Variants in KIAA1549 observed in about 807,000 individuals in gnomAD.
KIAA1549 encodes KIAA1549.
A neutral mutation model predicts 156.4 loss-of-function variants in KIAA1549; 70 were observed. That is an observed-to-expected ratio of 0.45 (90% CI 0.37 to 0.55). The LOEUF (loss-of-function observed/expected upper bound fraction) is 0.55. Ranked by LOEUF, KIAA1549 falls within the 20% of genes least tolerant of loss-of-function variation. The pLI is 0.00. For synonymous variants in KIAA1549, 1,103 were observed against 1,066.4 expected (o/e 1.03, Z -0.67); for missense variants, 2,428 against 2,540.9 (o/e 0.96, Z 0.96).
At position 138,883,089 on chromosome 7, in the gene KIAA1549, T is replaced by TAAAAAAAA. The variant is rs1201752539; in HGVS notation, c.4033-1513_4033-1506dup. Among the ~76,000 whole-genome samples, 127 of 47,072 alleles carry TAAAAAAAA rather than the reference T, an allele frequency of 2.7e-3. 53 individuals carry two copies. The highest frequency in any genetic ancestry group is 9.9e-3 in the African/African-American group (114 of 11,556). 30.9% of individuals were successfully genotyped at this position (47,072 alleles called of 152,430 possible). A position where few individuals can be genotyped will look rare whatever the true frequency, so the allele number is the denominator to read the frequency against. ...CAACATGGTGAAACCCCATCTCCCC[T>TAAAAAAAA]AAAAAAAAAAAAAAAAAAAAAAAAA... is the stretch of plus-strand genomic sequence containing the variant. On this transcript the variant is annotated intron_variant, in intron 10 of 19. Coordinates refer to ENST00000422774, the MANE Select transcript of KIAA1549 (RefSeq NM_001164665.2).
At chr7:138,920,847 T>C (rs528452932) in intron 1 of KIAA1549, among the ~76,000 whole-genome samples, 3 of 152,250 alleles carry the variant, frequency 2.0e-5, no homozygotes, top group Non-Finnish European at 4.4e-5. Context: ...AGTAAGTCAT[T>C]TCTATTCTGT....
intron 5 of KIAA1549, 131 bp downstream of exon 5, chr7:138,908,860 T>C (rs561265310): frequency 4.6e-6 from 5 of 1,080,948 alleles, no homozygotes; most frequent in Non-Finnish European, 6.6e-6. Context: ...CAGGAATAGA[T>C]CAATCCCGAC....
At chr7:138,889,316 G>A (rs78861428) in intron 10 of KIAA1549, among the ~76,000 whole-genome samples, 2,668 of 152,136 alleles carry the variant, frequency 0.018, 89 homozygotes, top group African/African-American at 0.062. Flanking sequence ...CTTCCCTCAC[G>A]TACACTCAGG....
intron 1 of KIAA1549, among the ~76,000 whole-genome samples, chr7:138,966,280 G>A (rs758264155): frequency 7.9e-5 from 12 of 151,234 alleles, no homozygotes; most frequent in Middle Eastern, 3.4e-3. Context: ...AAATTTGCAC[G>A]CACACACACA....
chr7:138,858,415 C>A (rs918063312), intron 16 of KIAA1549, among the ~76,000 whole-genome samples: 8 of 152,142 alleles, frequency 5.3e-5, no homozygotes, highest in Admixed American at 5.2e-4. Flanking sequence ...ATTCTATCAT[C>A]TGTATCATTT....
At chr7:138,949,941 G>A (rs754524238) in intron 1 of KIAA1549, among the ~76,000 whole-genome samples, 15 of 152,178 alleles carry the variant, frequency 9.9e-5, no homozygotes, top group South Asian at 2.1e-4. Context: ...CTTCCTAGTC[G>A]GTGCCAAATT....
At chr7:138,923,798 G>T (rs1281139501) in intron 1 of KIAA1549, among the ~76,000 whole-genome samples, 1 of 152,060 alleles carries the variant, frequency 6.6e-6, no homozygotes, top group African/African-American at 2.4e-5. Flanking sequence ...CAAGAGTTAA[G>T]ACAAAATTCT....
intron 1 of KIAA1549, among the ~76,000 whole-genome samples, chr7:138,962,621 A>C (rs1157378628): frequency 6.6e-6 from 1 of 152,142 alleles, no homozygotes; most frequent in Non-Finnish European, 1.5e-5. Flanking sequence ...TGAAGGTAGG[A>C]GGGGGTGAAA....
At chr7:138,906,793 G>A (rs1490447210) in intron 6 of KIAA1549, 126 bp downstream of exon 6, 7 of 682,238 alleles carry the variant, frequency 1.0e-5, no homozygotes, top group African/African-American at 7.3e-5. Flanking sequence ...GTACCCCAAC[G>A]CCTTATGGAA....
intron 1 of KIAA1549, among the ~76,000 whole-genome samples, chr7:138,974,305 G>A (rs549574635): frequency 6.6e-6 from 1 of 152,010 alleles, no homozygotes; most frequent in African/African-American, 2.4e-5. Flanking sequence ...CGGTGAGGTG[G>A]AGGGTGGCGG....
At chr7:138,845,259 G>A (rs1810042126) in intron 17 of KIAA1549, among the ~76,000 whole-genome samples, 1 of 151,964 alleles carries the variant, frequency 6.6e-6, no homozygotes, top group South Asian at 2.1e-4. Flanking sequence ...TCAAAAAAAA[G>A]TAGTGAGAAG....
chr7:138,901,577 G>A (rs1017809658), intron 8 of KIAA1549, among the ~76,000 whole-genome samples: 5 of 151,996 alleles, frequency 3.3e-5, no homozygotes, highest in Non-Finnish European at 4.4e-5. Context: ...CCACCTGCTC[G>A]GCCTCCCAAA....
rs1812331206 is a variant in KIAA1549 at position 138,916,751 on chromosome 7, T to C, written c.2875A>G (p.Thr959Ala). 3.2e-5 allele frequency: 51 copies of C among 1,613,726 alleles called. No homozygotes were observed. Among genetic ancestry groups the C allele is most frequent in the Non-Finnish European group, 4.2e-5 (49 of 1,179,764 alleles). ...GCGGCAGGAAGCTGGGCCTTACCAGTTGTGATCAGATAGGCATCGGGGACT... is the reference window on the plus strand; with the variant it reads ...GCGGCAGGAAGCTGGGCCTTACCAGCTGTGATCAGATAGGCATCGGGGACT... ...ITVPDAYLIT[T>A]VLARRAVQEY... Residue 959 changes from threonine (T) to alanine (A), a missense_variant, in exon 2 of 20, where the codon ACT becomes GCT. By Grantham distance (58) the Thr-to-Ala change is moderately conservative. This residue lies in a region of KIAA1549 where 762 missense variants were observed against 901.6 expected (regional missense o/e 0.85). Coordinates refer to ENST00000422774, the MANE Select transcript of KIAA1549 (RefSeq NM_001164665.2).
chr7:138,861,511 A>G (rs760379919), intron 15 of KIAA1549, 55 bp from the exon 16 acceptor site: 7 of 1,423,516 alleles, frequency 4.9e-6, no homozygotes, highest in East Asian at 2.4e-5. Context: ...TGGCAACCCT[A>G]AACAGTTTTC....
chr7:138,859,008 AACACACACAC>A (rs57352970), intron 16 of KIAA1549, among the ~76,000 whole-genome samples: 4,038 of 142,244 alleles, frequency 0.028, 99 homozygotes, highest in African/African-American at 0.064. Context: ...TCCATCTCAA[AACACACACAC>A]ACACACACAC....
At chr7:138,904,964 C>A (rs1037707548) in intron 7 of KIAA1549, 58 bp downstream of exon 7, 1 of 1,049,074 alleles carries the variant, frequency 9.5e-7, no homozygotes. Context: ...ATTCTCAATA[C>A]GCCTGCATAG....
At chr7:138,941,613 G>A (rs1404956199) in intron 1 of KIAA1549, among the ~76,000 whole-genome samples, 1 of 152,202 alleles carries the variant, frequency 6.6e-6, no homozygotes, top group Non-Finnish European at 1.5e-5. Context: ...TGCGACAGAA[G>A]AATCCTCCTC....
intron 8 of KIAA1549, among the ~76,000 whole-genome samples, chr7:138,901,161 A>G (rs751521644): frequency 1.3e-5 from 2 of 152,158 alleles, no homozygotes; most frequent in African/African-American, 4.8e-5. Flanking sequence ...TGAAAAACAC[A>G]TGCAAAAAAT....
At position 138,871,137 on chromosome 7, in the gene KIAA1549, T is replaced by C. The variant is rs779604708; in HGVS notation, c.4551+20A>G. 1 of 1,606,062 alleles carries C rather than the reference T, an allele frequency of 6.2e-7. No individual in the cohort carries two copies. The highest frequency in any genetic ancestry group is 1.1e-5 in the South Asian group (1 of 90,774). The stretch of plus-strand genomic sequence containing the variant: ...TAGCCGAGTTTTTTAAGTAACAGAC[T>C]TTTAAATAAAAGCAAATACCTCTTT... On this transcript the variant is annotated intron_variant, in intron 13 of 19. Coordinates refer to ENST00000422774, the MANE Select transcript of KIAA1549 (RefSeq NM_001164665.2).
Sources: gnomAD v4.1 joint callset for allele counts (sites outside exome capture counted in the v4.1 genomes callset) on GRCh38, gnomAD v4.1.1 for gene constraint, gnomAD v4.1.1 regional missense constraint, MANE v1.5 for transcripts, NCBI Gene and HGNC (gene_info 2026-07-23, HGNC 2026-07-21) for gene names.